Variants in DOK6 observed in about 807,000 individuals in gnomAD.
The protein encoded by DOK6 is downstream of tyrosine kinase 6.
Under a neutral mutation model 44.0 loss-of-function variants are expected in DOK6, and 22 were observed. The ratio of observed to expected loss-of-function variants is 0.50; its 90% CI spans 0.36 to 0.71. The LOEUF is 0.71. Among genes scored for constraint, DOK6 ranks in the 30% least tolerant of loss-of-function variants. The pLI is 0.00. For missense variants in DOK6, 340 were observed against 416.4 expected (o/e 0.82, Z 1.60); for synonymous variants, 166 against 145.5 (o/e 1.14, Z -1.01).
intron 4 of DOK6, among the ~76,000 whole-genome samples, chr18:69,695,937 G>A (rs190864465): frequency 6.6e-6 from 1 of 152,238 alleles, no homozygotes; most frequent in Admixed American, 6.5e-5. Context: ...CAGAAGACAG[G>A]CAAGAGGGTA....
chr18:69,658,958 T>G (rs1985439472), intron 3 of DOK6, among the ~76,000 whole-genome samples: 1 of 152,220 alleles, frequency 6.6e-6, no homozygotes, highest in South Asian at 2.1e-4. Flanking sequence ...CAACACAATA[T>G]TTTTGGTCTA....
At chr18:69,588,402 A>G (rs1408955016) in intron 2 of DOK6, among the ~76,000 whole-genome samples, 2 of 152,166 alleles carry the variant, frequency 1.3e-5, no homozygotes, top group African/African-American at 2.4e-5. Flanking sequence ...TTCCATCCTT[A>G]GGATTGCCTC....
chr18:69,608,731 C>A (rs896592950), intron 3 of DOK6, among the ~76,000 whole-genome samples: 2 of 151,934 alleles, frequency 1.3e-5, no homozygotes, highest in Non-Finnish European at 2.9e-5. Flanking sequence ...GCGGGTGGAT[C>A]ATGAAGTCAG....
chr18:69,548,849 T>G (rs1292635620), intron 1 of DOK6, among the ~76,000 whole-genome samples: 1 of 151,510 alleles, frequency 6.6e-6, no homozygotes, highest in Admixed American at 6.6e-5. Context: ...ATCCCAGCAC[T>G]TTGGGAGGCC....
intron 7 of DOK6, among the ~76,000 whole-genome samples, chr18:69,784,927 G>A (rs1285951154): frequency 6.6e-6 from 1 of 152,104 alleles, no homozygotes; most frequent in Non-Finnish European, 1.5e-5. Flanking sequence ...CACCCATGCT[G>A]GTGCTGAAAA....
At position 69,618,176 on chromosome 18, in the gene DOK6, G is replaced by A. The variant is rs186473211; in HGVS notation, c.289+18678G>A. Among the ~76,000 whole-genome samples the A allele has an allele frequency of 5.5e-3, 838 of 152,276 alleles. 26 individuals are homozygous for A. The highest frequency in any genetic ancestry group is 0.049 in the Admixed American group (754 of 15,288). On this transcript the variant is annotated intron_variant, in intron 3 of 7. Coordinates refer to ENST00000382713, the MANE Select transcript of DOK6 (RefSeq NM_152721.6). ...CCAGAAGAAGCCAACCATGCACTTA[G>A]AAATTCCATCCTAGAGAACTGTGAC... is the stretch of plus-strand genomic sequence containing the variant.
chr18:69,463,769 A>ATG (rs771740041), intron 1 of DOK6, among the ~76,000 whole-genome samples: 4 of 151,076 alleles, frequency 2.6e-5, no homozygotes, highest in African/African-American at 7.3e-5. Context: ...GTCTGTGTGC[A>ATG]TGTGTGTGTG....
At chr18:69,485,530 A>T (rs17081049) in intron 1 of DOK6, among the ~76,000 whole-genome samples, 1 of 151,910 alleles carries the variant, frequency 6.6e-6, no homozygotes, top group Non-Finnish European at 1.5e-5. Flanking sequence ...CTAATTGTTC[A>T]CTGATCCCAA....
At chr18:69,715,021 T>C (rs1430150077) in intron 5 of DOK6, among the ~76,000 whole-genome samples, 1 of 152,180 alleles carries the variant, frequency 6.6e-6, no homozygotes. Flanking sequence ...AGGGAAAAGC[T>C]CTAGAATGAA....
At chr18:69,658,206 A>ATTCC in intron 3 of DOK6, among the ~76,000 whole-genome samples, 1 of 151,650 alleles carries the variant, frequency 6.6e-6, no homozygotes, top group Non-Finnish European at 1.5e-5. Context: ...CCCACCCCTG[A>ATTCC]CTCTCAGAGA....
chr18:69,561,927 CA>C (rs1391265435), intron 1 of DOK6, among the ~76,000 whole-genome samples: 1 of 151,996 alleles, frequency 6.6e-6, no homozygotes, highest in East Asian at 1.9e-4. Flanking sequence ...TGTAAAAAAA[CA>C]ATATGACAAC....
intron 2 of DOK6, among the ~76,000 whole-genome samples, chr18:69,584,764 T>G (rs1008877134): frequency 1.1e-4 from 16 of 152,042 alleles, no homozygotes; most frequent in Non-Finnish European, 2.2e-4. Flanking sequence ...ATATATTGTT[T>G]TACTCAAGTT....
chr18:69,485,263 G>A (rs757050781), intron 1 of DOK6, among the ~76,000 whole-genome samples: 7 of 152,136 alleles, frequency 4.6e-5, no homozygotes, highest in Non-Finnish European at 8.8e-5. Flanking sequence ...CATGCTGAAA[G>A]CCTTGCTAGA....
chr18:69,736,467 C>A (rs1339340195), intron 5 of DOK6, among the ~76,000 whole-genome samples: 2 of 151,980 alleles, frequency 1.3e-5, no homozygotes, highest in Admixed American at 6.6e-5. Context: ...AGAAAAAAAA[C>A]ATTCATTTTG....
At chr18:69,566,191 G>T (rs1982976472) in intron 2 of DOK6, among the ~76,000 whole-genome samples, 1 of 152,008 alleles carries the variant, frequency 6.6e-6, no homozygotes, top group East Asian at 1.9e-4. Flanking sequence ...AGGCTGGAAT[G>T]CAGTGGCGCG....
chr18:69,480,323 A>G (rs1363213949), intron 1 of DOK6, among the ~76,000 whole-genome samples: 1 of 152,098 alleles, frequency 6.6e-6, no homozygotes, highest in Non-Finnish European at 1.5e-5. Context: ...TGAGATGAAA[A>G]GTTTACCACT....
chr18:69,795,464 G>C (rs923664538), intron 7 of DOK6, among the ~76,000 whole-genome samples: 6 of 152,136 alleles, frequency 3.9e-5, no homozygotes, highest in African/African-American at 1.4e-4. Flanking sequence ...TTATGAAACA[G>C]TGTGTAGGAA....
intron 4 of DOK6, among the ~76,000 whole-genome samples, chr18:69,679,750 A>G (rs767764427): frequency 6.6e-6 from 1 of 152,252 alleles, no homozygotes; most frequent in Non-Finnish European, 1.5e-5. Context: ...TTGGAGATAT[A>G]TATGGTTTCC....
intron 1 of DOK6, among the ~76,000 whole-genome samples, chr18:69,532,258 T>C (rs115144397): frequency 3.2e-4 from 48 of 152,278 alleles, no homozygotes; most frequent in African/African-American, 1.1e-3. Context: ...CTTCTCCCGG[T>C]TTTACTGTCA....
Sources: gnomAD v4.1 joint callset for allele counts (sites outside exome capture counted in the v4.1 genomes callset) on GRCh38, gnomAD v4.1.1 for gene constraint, MANE v1.5 for transcripts, NCBI Gene and HGNC (gene_info 2026-07-23, HGNC 2026-07-21) for gene names.